GLT8D2: variants seen among roughly 807,000 people sequenced by gnomAD.
GLT8D2 encodes the protein glycosyltransferase 8 domain-containing protein 2.
Under a neutral mutation model 44.5 loss-of-function variants are expected in GLT8D2, and 45 were observed. That is an observed-to-expected ratio of 1.01 (90% CI 0.80 to 1.30). The LOEUF (loss-of-function observed/expected upper bound fraction) is 1.30. GLT8D2 is among the 50% of genes most tolerant of loss of function. The pLI is 0.00. For missense variants in GLT8D2, 400 were observed against 430.4 expected, an observed-to-expected ratio of 0.93 and a Z score of 0.62; for synonymous variants, 156 against 157.2, an observed-to-expected ratio of 0.99 and a Z score of 0.06.
chr12:103,997,085 C>T (rs561589585), intron 7 of GLT8D2, among the ~76,000 whole-genome samples: 4 of 152,262 alleles, frequency 2.6e-5, no homozygotes, highest in Non-Finnish European at 5.9e-5. Context: ...AAGTAGATAC[C>T]ACACCAATGC....
intron 8 of GLT8D2, among the ~76,000 whole-genome samples, chr12:103,995,438 T>C (rs1873292212): frequency 6.6e-6 from 1 of 152,054 alleles, no homozygotes. Context: ...TCCTGGAGGG[T>C]TTCCCCTCTA....
At chr12:104,032,466 C>CAAAAAAAAAAAAAAAAAAAAAAAAAA (rs547392677) in intron 1 of GLT8D2, among the ~76,000 whole-genome samples, 9 of 59,668 alleles carry the variant, frequency 1.5e-4, no homozygotes, top group Non-Finnish European at 1.8e-4. Flanking sequence ...TGTGCAATAG[C>CAAAAAAAAAAAAAAAAAAAAAAAAAA]AAAAAAAAAA....
rs572504872 is a variant in GLT8D2, at chr12:104,013,049, T to C, written c.112+1964A>G. ...GTCTAGCCACCTAGTCTGTGCTATT[T>C]TGTTATGGCAGCCCAAGCAAACGAA... On this transcript the variant is annotated intron_variant, in intron 4 of 10. Transcript: ENST00000360814. Among the ~76,000 whole-genome samples, 3 of 152,358 alleles carry C rather than the reference T, an allele frequency of 2.0e-5. No homozygotes were observed. In the South Asian group the frequency reaches 6.2e-4, roughly 32 times the overall value.
At chr12:104,063,063 A>G (rs139117139) in intron 1 of GLT8D2, among the ~76,000 whole-genome samples, 9 of 152,250 alleles carry the variant, frequency 5.9e-5, no homozygotes, top group African/African-American at 1.9e-4. Context: ...GTTTCATGCC[A>G]AAACCATAGC....
chr12:103,991,045 T>A (rs1377873118), intron 10 of GLT8D2, among the ~76,000 whole-genome samples: 5 of 152,256 alleles, frequency 3.3e-5, no homozygotes, highest in African/African-American at 1.2e-4. Context: ...ATTTTTCAAA[T>A]GATTTTTGTG....
At chr12:104,051,109 C>T (rs560217624), upstream of GLT8D2, among the ~76,000 whole-genome samples, 1 of 148,248 alleles carries the variant, frequency 6.7e-6, no homozygotes, top group South Asian at 2.1e-4. Flanking sequence ...CCACCTCATC[C>T]GGCCAATTTT....
chr12:104,026,481 T>C (rs1878591384), intron 1 of GLT8D2, among the ~76,000 whole-genome samples: 1 of 152,172 alleles, frequency 6.6e-6, no homozygotes, highest in South Asian at 2.1e-4. Flanking sequence ...TCTCGAAATA[T>C]ACCTGTTAAG....
intron 4 of GLT8D2, among the ~76,000 whole-genome samples, chr12:104,005,714 AT>A (rs1195057274): frequency 2.6e-5 from 4 of 152,230 alleles, no homozygotes; most frequent in African/African-American, 9.7e-5. Context: ...AATGGTGATC[AT>A]TAAAAGGTCA....
chr12:104,063,179 GAA>G (rs1882831153), intron 1 of GLT8D2, among the ~76,000 whole-genome samples: 1 of 152,114 alleles, frequency 6.6e-6, no homozygotes, highest in Non-Finnish European at 1.5e-5. Context: ...GGGGACAGCT[GAA>G]ACAGGCAGTC....
intron 1 of GLT8D2, among the ~76,000 whole-genome samples, chr12:104,038,673 A>G (rs960853266): frequency 5.3e-5 from 8 of 152,246 alleles, no homozygotes; most frequent in African/African-American, 1.9e-4. Flanking sequence ...AGAACATTCC[A>G]TGTTCGTGAA....
intron 1 of GLT8D2, among the ~76,000 whole-genome samples, chr12:104,027,037 C>A (rs569467913): frequency 6.6e-6 from 1 of 152,296 alleles, no homozygotes; most frequent in East Asian, 1.9e-4. Context: ...TGAGAATTTG[C>A]TGGCAGTCAT....
At chr12:104,008,086 A>G (rs1875322925) in intron 4 of GLT8D2, among the ~76,000 whole-genome samples, 1 of 152,240 alleles carries the variant, frequency 6.6e-6, no homozygotes, top group Admixed American at 6.5e-5. Flanking sequence ...TGGTACCAGT[A>G]GAGTGGGACG....
At chr12:104,055,102 CTGGAGAGAGGATA>C (rs1439850356), upstream of GLT8D2, among the ~76,000 whole-genome samples, 1 of 152,176 alleles carries the variant, frequency 6.6e-6, no homozygotes, top group African/African-American at 2.4e-5. Context: ...TTTCCAGGAC[CTGGAGAGAGGATA>C]TGGAGAGGGT....
chr12:104,021,915 GAAGAAGAAGAAGAAGAAGAAGAA>G (rs1877757353), intron 1 of GLT8D2, among the ~76,000 whole-genome samples: 2 of 18,910 alleles, frequency 1.1e-4, no homozygotes, highest in East Asian at 2.7e-3. Flanking sequence ...AGAAGAAGAA[GAAGAAGAAGAAGAAGAAGAAGAA>G]GAAGAAGAAG....
At chr12:104,016,774 A>AGGAAG (rs1491485247) in intron 3 of GLT8D2, among the ~76,000 whole-genome samples, 56 of 58,400 alleles carry the variant, frequency 9.6e-4, no homozygotes, top group Non-Finnish European at 1.2e-3. Flanking sequence ...AAAGAAAGAA[A>AGGAAG]GAAGGAAGGA....
intron 3 of GLT8D2, among the ~76,000 whole-genome samples, chr12:104,015,415 C>CACACAT (rs1876440172): frequency 6.7e-6 from 1 of 149,930 alleles, no homozygotes; most frequent in African/African-American, 2.5e-5. Flanking sequence ...CACACACACA[C>CACACAT]ACACACACAC....
intron 1 of GLT8D2, among the ~76,000 whole-genome samples, chr12:104,028,246 C>T (rs1878815027): frequency 2.6e-5 from 4 of 152,072 alleles, no homozygotes; most frequent in African/African-American, 7.2e-5. Flanking sequence ...GAGAAGCATG[C>T]AGTTTCAACA....
At chr12:104,034,322 G>A (rs969049471) in intron 1 of GLT8D2, among the ~76,000 whole-genome samples, 6 of 152,220 alleles carry the variant, frequency 3.9e-5, no homozygotes, top group Non-Finnish European at 7.3e-5. Flanking sequence ...AGGGTGAGCC[G>A]AAGCAGGGCA....
At chr12:104,005,652 T>A (rs1195329723) in intron 4 of GLT8D2, among the ~76,000 whole-genome samples, 1 of 152,148 alleles carries the variant, frequency 6.6e-6, no homozygotes, top group Non-Finnish European at 1.5e-5. Context: ...TCACTGGCCA[T>A]CAGAGAAATG....
Sources: gnomAD v4.1 joint callset for allele counts (sites outside exome capture counted in the v4.1 genomes callset) on GRCh38, gnomAD v4.1.1 for gene constraint, MANE v1.5 for transcripts, NCBI Gene and HGNC (gene_info 2026-07-23, HGNC 2026-07-21) for gene names.